Variants in CA10 observed in about 807,000 individuals in gnomAD.
The protein encoded by CA10 is carbonic anhydrase 10 (inactive).
In CA10, 14 loss-of-function variants were observed where a neutral mutation model predicts 44.2. The observed-to-expected ratio is 0.32, with a 90% CI of 0.21 to 0.50. CA10 has a LOEUF of 0.50. Ranked by LOEUF, CA10 falls within the 20% of genes least tolerant of loss-of-function variation. The probability of loss-of-function intolerance (pLI) is 0.99; values close to 1 mark genes in which losing one functional copy is unlikely to be tolerated. For missense variants in CA10, 350 were observed against 409.7 expected, an observed-to-expected ratio of 0.85 and a Z score of 1.26; for synonymous variants, 159 against 141.6, an observed-to-expected ratio of 1.12 and a Z score of -0.87.
chr17:51,697,371 A>C (rs1478395456), intron 4 of CA10, among the ~76,000 whole-genome samples: 1 of 152,196 alleles, frequency 6.6e-6, no homozygotes, highest in Non-Finnish European at 1.5e-5. Context: ...TCACTGGGCA[A>C]GTGCCTGCCT....
intron 2 of CA10, among the ~76,000 whole-genome samples, chr17:52,022,894 C>T (rs971463918): frequency 6.6e-6 from 1 of 151,990 alleles, no homozygotes; most frequent in Non-Finnish European, 1.5e-5. Flanking sequence ...AGGAATACAT[C>T]TAGCCAAGGG....
chr17:51,841,173 A>C (rs192125443), intron 3 of CA10, among the ~76,000 whole-genome samples: 1 of 152,162 alleles, frequency 6.6e-6, no homozygotes, highest in Non-Finnish European at 1.5e-5. Context: ...CTACAGCAGT[A>C]TGTCCAGACC....
At chr17:51,912,006 T>G (rs563270094) in intron 3 of CA10, among the ~76,000 whole-genome samples, 1 of 152,286 alleles carries the variant, frequency 6.6e-6, no homozygotes, top group Non-Finnish European at 1.5e-5. Flanking sequence ...TAGTAATTCA[T>G]GTAAATTACT....
At chr17:51,732,463 C>T (rs1916752665) in intron 4 of CA10, among the ~76,000 whole-genome samples, 2 of 152,212 alleles carry the variant, frequency 1.3e-5, no homozygotes, top group African/African-American at 4.8e-5. Flanking sequence ...CTCCATCCCC[C>T]TAATTTGAGT....
chr17:51,878,930 T>TTG (rs1405304345), intron 3 of CA10, among the ~76,000 whole-genome samples: 1 of 83,480 alleles, frequency 1.2e-5, no homozygotes. Context: ...GTATGTGTGT[T>TTG]TGTGTATATA....
intron 3 of CA10, among the ~76,000 whole-genome samples, chr17:51,907,756 C>T (rs996302593): frequency 6.6e-6 from 1 of 152,156 alleles, no homozygotes; most frequent in African/African-American, 2.4e-5. Context: ...GAGCTTTCCA[C>T]GAGGTCAGCT....
chr17:51,758,137 T>C (rs913034929), intron 3 of CA10, among the ~76,000 whole-genome samples: 10 of 152,182 alleles, frequency 6.6e-5, no homozygotes, highest in African/African-American at 2.2e-4. Context: ...CTCTTACCTA[T>C]CCATCTGAGT....
At chr17:51,979,179 C>T (rs1203105284) in intron 2 of CA10, among the ~76,000 whole-genome samples, 2 of 152,060 alleles carry the variant, frequency 1.3e-5, no homozygotes, top group Admixed American at 1.3e-4. Flanking sequence ...CTTAAAGACC[C>T]CACAAGGGGT....
chr17:51,823,893 C>G (rs1314277932), intron 3 of CA10, among the ~76,000 whole-genome samples: 4 of 152,192 alleles, frequency 2.6e-5, no homozygotes, highest in Non-Finnish European at 5.9e-5. Flanking sequence ...CTCACTTATT[C>G]CTCTTTATAA....
At chr17:52,079,692 A>G (rs1244629718) in intron 1 of CA10, among the ~76,000 whole-genome samples, 1 of 152,152 alleles carries the variant, frequency 6.6e-6, no homozygotes, top group Non-Finnish European at 1.5e-5. Context: ...GTTGGTTGAC[A>G]AGCCCACACG....
At chr17:52,108,494 C>T (rs1988717602) in intron 1 of CA10, among the ~76,000 whole-genome samples, 2 of 151,208 alleles carry the variant, frequency 1.3e-5, no homozygotes, top group East Asian at 1.9e-4. Context: ...GTCAGGAGTT[C>T]GAGACCAGCC....
chr17:52,047,223 A>T (rs530310440), intron 2 of CA10, among the ~76,000 whole-genome samples: 21 of 151,998 alleles, frequency 1.4e-4, no homozygotes, highest in Non-Finnish European at 2.2e-4. Flanking sequence ...ACAAAAGATT[A>T]TATGCATATG....
At chr17:51,952,691 T>G (rs1056773159) in intron 2 of CA10, among the ~76,000 whole-genome samples, 4 of 152,286 alleles carry the variant, frequency 2.6e-5, no homozygotes, top group African/African-American at 9.6e-5. Context: ...TTTTGTTTTT[T>G]AGTGATAAAT....
intron 1 of CA10, among the ~76,000 whole-genome samples, chr17:52,122,594 A>G (rs1989035701): frequency 6.6e-6 from 1 of 152,152 alleles, no homozygotes; most frequent in Non-Finnish European, 1.5e-5. Context: ...AATTACTGAT[A>G]ATTCTTGTAT....
At chr17:51,926,937 GGAAA>G (rs1982455468) in intron 3 of CA10, among the ~76,000 whole-genome samples, 1 of 152,138 alleles carries the variant, frequency 6.6e-6, no homozygotes, top group African/African-American at 2.4e-5. Context: ...CAAATGAAAT[GGAAA>G]GAGAGGTTAG....
chr17:52,071,453 G>A (rs1205981950), intron 2 of CA10, among the ~76,000 whole-genome samples: 1 of 152,080 alleles, frequency 6.6e-6, no homozygotes, highest in East Asian at 1.9e-4. Flanking sequence ...AGAAGGACAG[G>A]AAAAGAAGAC....
At chr17:51,712,741 G>C (rs183560619) in intron 4 of CA10, among the ~76,000 whole-genome samples, 3 of 152,212 alleles carry the variant, frequency 2.0e-5, no homozygotes, top group Admixed American at 2.0e-4. Flanking sequence ...TAGAAAGATA[G>C]TGAGTTGCAA....
intron 4 of CA10, among the ~76,000 whole-genome samples, chr17:51,659,217 T>TTC (rs1276001272): frequency 6.6e-6 from 1 of 152,268 alleles, no homozygotes; most frequent in East Asian, 1.9e-4. Flanking sequence ...AGGTGGAGGA[T>TTC]TCTCTCTTCC....
At chr17:51,981,523 G>T (rs137912904) in intron 2 of CA10, among the ~76,000 whole-genome samples, 8 of 152,032 alleles carry the variant, frequency 5.3e-5, no homozygotes, top group African/African-American at 1.4e-4. Flanking sequence ...TGAGAGAGTG[G>T]TTGATTGAGA....
Sources: allele counts gnomAD v4.1 joint callset (sites outside exome capture counted in the v4.1 genomes callset), GRCh38; gene constraint gnomAD v4.1.1; transcripts MANE v1.5; gene names NCBI Gene and HGNC (gene_info 2026-07-23, HGNC 2026-07-21).